Variants in CDH10 observed in about 807,000 individuals in gnomAD.
CDH10 encodes cadherin 10, also known as cadherin-10.
A neutral mutation model predicts 73.1 loss-of-function variants in CDH10; 30 were observed. The observed-to-expected ratio is 0.41, with a 90% CI of 0.31 to 0.56. The LOEUF (loss-of-function observed/expected upper bound fraction) is 0.56. CDH10 is among the 20% of genes least tolerant of loss of function. The pLI is 0.27. For missense variants in CDH10, 815 were observed against 973.7 expected (o/e 0.84, Z 2.17); for synonymous variants, 345 against 348.2 (o/e 0.99, Z 0.10).
chr5:24,603,721 A>G (rs1746651795), intron 1 of CDH10, among the ~76,000 whole-genome samples: 1 of 152,180 alleles, frequency 6.6e-6, no homozygotes, highest in Admixed American at 6.5e-5. Context: ...CTTGCTGGAA[A>G]AAAAAAATGC....
intron 2 of CDH10, among the ~76,000 whole-genome samples, chr5:24,591,845 C>T (rs1222483487): frequency 1.3e-5 from 2 of 151,860 alleles, no homozygotes; most frequent in African/African-American, 2.4e-5. Flanking sequence ...AATTTACCAA[C>T]ATTTATTAGA....
At chr5:24,545,303 T>C (rs1043106449) in intron 2 of CDH10, among the ~76,000 whole-genome samples, 2 of 152,204 alleles carry the variant, frequency 1.3e-5, no homozygotes, top group Non-Finnish European at 2.9e-5. Flanking sequence ...TAGGGATATA[T>C]GTACACAGGT....
chr5:24,521,808 G>A (rs1743342101), intron 5 of CDH10, among the ~76,000 whole-genome samples: 1 of 151,918 alleles, frequency 6.6e-6, no homozygotes, highest in South Asian at 2.1e-4. Flanking sequence ...TAAGTGAGCT[G>A]GAGGAAAAAA....
chr5:24,581,496 T>C (rs931348765), intron 2 of CDH10, among the ~76,000 whole-genome samples: 6 of 152,190 alleles, frequency 3.9e-5, no homozygotes, highest in Non-Finnish European at 1.5e-5. Context: ...ATGTCTCACA[T>C]TTATTTTGAA....
chr5:24,595,196 G>C (rs1157050095), intron 1 of CDH10, among the ~76,000 whole-genome samples: 2 of 151,840 alleles, frequency 1.3e-5, no homozygotes, highest in African/African-American at 4.8e-5. Flanking sequence ...GTTATAGAAA[G>C]TGATTTGAGA....
At chr5:24,621,338 A>G (rs542052139) in intron 1 of CDH10, among the ~76,000 whole-genome samples, 2 of 152,302 alleles carry the variant, frequency 1.3e-5, no homozygotes, top group South Asian at 4.1e-4. Context: ...ATATCTACTA[A>G]GAGGACACAG....
At chr5:24,521,837 T>C (rs567720134) in intron 5 of CDH10, among the ~76,000 whole-genome samples, 1 of 152,010 alleles carries the variant, frequency 6.6e-6, no homozygotes, top group East Asian at 1.9e-4. Flanking sequence ...GTAAATGTAT[T>C]TAAAAACTGC....
chr5:24,551,927 C>G (rs1169169527), intron 2 of CDH10, among the ~76,000 whole-genome samples: 1 of 152,104 alleles, frequency 6.6e-6, no homozygotes, highest in East Asian at 1.9e-4. Flanking sequence ...GGTTCTTGGT[C>G]TTTATGACAT....
chr5:24,507,994 A>G (rs764124347), intron 7 of CDH10, among the ~76,000 whole-genome samples: 1 of 152,206 alleles, frequency 6.6e-6, no homozygotes, highest in Non-Finnish European at 1.5e-5. Flanking sequence ...CGCAGACCCT[A>G]TAGAATTTTT....
chr5:24,531,242 G>T (rs549330734), intron 5 of CDH10, among the ~76,000 whole-genome samples: 1 of 152,096 alleles, frequency 6.6e-6, no homozygotes, highest in African/African-American at 2.4e-5. Context: ...CATTGGAATT[G>T]TCTCACATGT....
chr5:24,494,751 A>G (rs990879083), intron 9 of CDH10, among the ~76,000 whole-genome samples: 2 of 152,098 alleles, frequency 1.3e-5, no homozygotes, highest in Non-Finnish European at 2.9e-5. Flanking sequence ...TTTTAATCAA[A>G]TATTATAGCA....
At chr5:24,547,710 G>T (rs184801074) in intron 2 of CDH10, among the ~76,000 whole-genome samples, 1 of 152,128 alleles carries the variant, frequency 6.6e-6, no homozygotes, top group African/African-American at 2.4e-5. Flanking sequence ...GTAAAGAGGT[G>T]AAAGTTGGAA....
At chr5:24,545,046 T>C (rs1049325587) in intron 2 of CDH10, among the ~76,000 whole-genome samples, 19 of 152,190 alleles carry the variant, frequency 1.2e-4, no homozygotes, top group African/African-American at 4.3e-4. Context: ...TTAAGTGGTA[T>C]ATAAAACACA....
chr5:24,563,450 T>TCAA, intron 2 of CDH10, among the ~76,000 whole-genome samples: 1 of 29,330 alleles, frequency 3.4e-5, no homozygotes, highest in Middle Eastern at 0.022. Flanking sequence ...TTATAGAAGC[T>TCAA]TAAAAAAAAA....
intron 1 of CDH10, among the ~76,000 whole-genome samples, chr5:24,613,635 A>G (rs1747030160): frequency 6.6e-6 from 1 of 151,956 alleles, no homozygotes; most frequent in African/African-American, 2.4e-5. Flanking sequence ...ACAAATGGGG[A>G]CAATGTTGCT....
intron 2 of CDH10, among the ~76,000 whole-genome samples, chr5:24,577,634 G>A (rs368494143): frequency 2.0e-5 from 3 of 151,966 alleles, no homozygotes; most frequent in African/African-American, 7.3e-5. Flanking sequence ...GTATATGTCT[G>A]GTTTAGAAAT....
At chr5:24,528,773 T>G (rs946910076) in intron 5 of CDH10, among the ~76,000 whole-genome samples, 2 of 151,992 alleles carry the variant, frequency 1.3e-5, no homozygotes, top group African/African-American at 2.4e-5. Context: ...TTAACTAAAG[T>G]GGGATGCATC....
intron 2 of CDH10, among the ~76,000 whole-genome samples, chr5:24,571,829 G>T (rs1199785702): frequency 6.6e-6 from 1 of 152,024 alleles, no homozygotes; most frequent in South Asian, 2.1e-4. Flanking sequence ...CACCATACCC[G>T]ATTTAAAACT....
intron 9 of CDH10, among the ~76,000 whole-genome samples, chr5:24,493,544 T>C (rs1308146552): frequency 2.0e-5 from 3 of 151,842 alleles, no homozygotes; most frequent in Non-Finnish European, 4.4e-5. Context: ...GGTAGCAAAG[T>C]AGACAATTTA....
Sources: gnomAD v4.1 joint callset for allele counts (sites outside exome capture counted in the v4.1 genomes callset) on GRCh38, gnomAD v4.1.1 for gene constraint, MANE v1.5 for transcripts, NCBI Gene and HGNC (gene_info 2026-07-23, HGNC 2026-07-21) for gene names.